The following MARF1 variants were observed in gnomAD, a reference collection of about 807,000 sequenced individuals.
MARF1 encodes limkain-b1.
A neutral mutation model predicts 168.2 loss-of-function variants in MARF1; 24 were observed. That is an observed-to-expected ratio of 0.14 (90% CI 0.10 to 0.20). The LOEUF (loss-of-function observed/expected upper bound fraction) is 0.20, where lower values mean the gene tolerates loss of function less well. Ranked by LOEUF, MARF1 falls within the 10% of genes least tolerant of loss-of-function variation. The pLI is 1.00. For synonymous variants in MARF1, 868 were observed against 822.4 expected, an observed-to-expected ratio of 1.06 and a Z score of -0.95; for missense variants, 1,744 against 2,143.6, an observed-to-expected ratio of 0.81 and a Z score of 3.68.
intron 21 of MARF1, 30 bp downstream of exon 21, chr16:15,608,261 A>G (rs7187923): frequency 3.9e-4 from 102 of 259,930 alleles, no homozygotes; most frequent in East Asian, 1.8e-3. Context: ...CCCATGAGGG[A>G]AAAAAAAAAA....
intron 6 of MARF1, among the ~76,000 whole-genome samples, chr16:15,630,925 G>A (rs1025348420): frequency 6.6e-6 from 1 of 152,048 alleles, no homozygotes; most frequent in Non-Finnish European, 1.5e-5. Context: ...GAGGTCAGGA[G>A]TTTGAGACCA....
At chr16:15,607,522 C>G (rs767353967) in intron 21 of MARF1, among the ~76,000 whole-genome samples, 1 of 152,204 alleles carries the variant, frequency 6.6e-6, no homozygotes, top group Non-Finnish European at 1.5e-5. Context: ...GCACTCTAGC[C>G]TGGGCCACAG....
At chr16:15,625,230 T>A (rs1323400818) in intron 8 of MARF1, 57 bp from the exon 9 acceptor site, 2 of 1,587,742 alleles carry the variant, frequency 1.3e-6, no homozygotes, top group African/African-American at 1.4e-5. Flanking sequence ...ATGTGTTAGA[T>A]CCTTTACAGA....
intron 7 of MARF1, among the ~76,000 whole-genome samples, chr16:15,628,599 G>C (rs1214817332): frequency 6.6e-6 from 1 of 152,002 alleles, no homozygotes; most frequent in Non-Finnish European, 1.5e-5. Context: ...AGTAGAGATG[G>C]GGTTTCGCCA....
chr16:15,604,423 T>C, intron 21 of MARF1, 25 bp from the exon 22 acceptor site: 1 of 1,556,938 alleles, frequency 6.4e-7, no homozygotes, highest in Non-Finnish European at 8.9e-7. Flanking sequence ...AATTCACACT[T>C]TTCAGAGCTC....
intron 17 of MARF1, 47 bp from the exon 18 acceptor site, chr16:15,611,781 G>A (rs1314244049): frequency 1.9e-6 from 3 of 1,550,546 alleles, no homozygotes; most frequent in East Asian, 2.3e-5. Context: ...TCAGCAGACA[G>A]CGACTTCCTT....
Position 15,621,840 on chromosome 16 carries a change from T to C in MARF1, c.2532A>G (p.Gln844=). Residue 844 remains glutamine, a synonymous_variant, in exon 12 of 27, where the codon CAA becomes CAG. Transcript: ENST00000396368. ...LKAVVQMENL[Q]DAIGAVNSLH... ...GGCTATTCACTGCACCGATCGCATC[T>C]TGTAAGTTTTCCATTTGCACAACAG... 1 of 1,614,186 alleles carries C rather than the reference T, an allele frequency of 6.2e-7. No homozygotes were observed. Among genetic ancestry groups the C allele is most frequent in the Non-Finnish European group, 8.5e-7 (1 of 1,180,020 alleles).
chr16:15,627,489 G>A (rs542226576), intron 7 of MARF1, among the ~76,000 whole-genome samples: 1 of 152,056 alleles, frequency 6.6e-6, no homozygotes, highest in East Asian at 1.9e-4. Context: ...GTGGTGGCGG[G>A]CGCCTGTAAT....
Position 15,636,045 on chromosome 16 carries a change from C to A in MARF1, c.442G>T (p.Val148Leu). The A allele has an allele frequency of 1.2e-6, 2 of 1,614,222 alleles. No individual in the cohort carries two copies. The highest frequency in any genetic ancestry group is 1.7e-6 in the Non-Finnish European group (2 of 1,180,046). Residue 148 changes from valine to leucine, a missense_variant, in exon 3 of 27, where the codon GTA (valine) becomes TTA (leucine). Transcript: ENST00000396368. ...GACTGGAAAGCAAACCCTGACCCTA[C>A]CTGACACGTGATTGTCCTGGTGCTT... ...SQSTRTITCQ[V>L]GSGFAFQSAS...
At chr16:15,621,204 T>C (rs1228742761) in intron 12 of MARF1, among the ~76,000 whole-genome samples, 1 of 152,164 alleles carries the variant, frequency 6.6e-6, no homozygotes, top group Non-Finnish European at 1.5e-5. Context: ...GTGGGTCCTG[T>C]TTTGCCAGTC....
chr16:15,642,138 G>C (rs534372779), intron 1 of MARF1, among the ~76,000 whole-genome samples: 3 of 152,226 alleles, frequency 2.0e-5, no homozygotes, highest in Admixed American at 6.5e-5. Flanking sequence ...GGTAATCCAC[G>C]GGGAACATTT....
intron 15 of MARF1, among the ~76,000 whole-genome samples, chr16:15,616,597 C>A (rs2034064682): frequency 6.6e-6 from 1 of 152,156 alleles, no homozygotes; most frequent in Non-Finnish European, 1.5e-5. Flanking sequence ...TCACGTGCTG[C>A]TTCATGATGG....
chr16:15,628,762 T>C (rs2035047524), intron 7 of MARF1, among the ~76,000 whole-genome samples: 1 of 151,554 alleles, frequency 6.6e-6, no homozygotes, highest in South Asian at 2.1e-4. Flanking sequence ...ATTTGAGGGG[T>C]ACTGACCAAT....
At chr16:15,634,999 C>T in intron 3 of MARF1, 68 bp from the exon 4 acceptor site, 1 of 1,390,628 alleles carries the variant, frequency 7.2e-7, no homozygotes, top group Non-Finnish European at 1.0e-6. Flanking sequence ...GAGTTATATA[C>T]AACAACTGAA....
At chr16:15,624,957 G>T (rs1287431830) in intron 9 of MARF1, 30 bp from the exon 10 acceptor site, 2 of 1,613,772 alleles carry the variant, frequency 1.2e-6, no homozygotes, top group South Asian at 2.2e-5. Flanking sequence ...GAAGGCAAAA[G>T]GTCATATGTC....
intron 7 of MARF1, among the ~76,000 whole-genome samples, chr16:15,628,256 T>A (rs899998214): frequency 6.6e-6 from 1 of 152,178 alleles, no homozygotes; most frequent in African/African-American, 2.4e-5. Context: ...CATTTTTTTT[T>A]AAACGTACAT....
At chr16:15,599,834 G>A (rs1341386863) in intron 25 of MARF1, among the ~76,000 whole-genome samples, 4 of 152,178 alleles carry the variant, frequency 2.6e-5, no homozygotes, top group Non-Finnish European at 4.4e-5. Flanking sequence ...CCATGAGTCA[G>A]GCACCCTGAG....
rs185001529 is a variant in MARF1, at chr16:15,597,431, G to A, written c.4985-494C>T. On this transcript the variant is annotated intron_variant, in intron 26 of 26. Coordinates refer to ENST00000396368, the MANE Select transcript of MARF1 (RefSeq NM_014647.4). ...ATTACCGGGGATAAGGAAGGACTAC[G>A]CAGAGTGAGAATTACCCTCAGAACC... Among the ~76,000 whole-genome samples, 8 of 152,308 alleles carry A rather than the reference G, an allele frequency of 5.3e-5. No homozygotes were observed. The East Asian group carries it at 1.4e-3, about 26-fold the overall frequency.
intron 6 of MARF1, among the ~76,000 whole-genome samples, chr16:15,630,926 T>C (rs1664779426): frequency 6.7e-6 from 1 of 150,302 alleles, no homozygotes; most frequent in South Asian, 2.1e-4. Context: ...AGGTCAGGAG[T>C]TTGAGACCAG....
Sources: allele counts gnomAD v4.1 joint callset (sites outside exome capture counted in the v4.1 genomes callset), GRCh38; gene constraint gnomAD v4.1.1; transcripts MANE v1.5; gene names NCBI Gene and HGNC (gene_info 2026-07-23, HGNC 2026-07-21).